Variants in PACRG observed in about 807,000 individuals in gnomAD.
The protein encoded by PACRG is parkin coregulated gene protein.
A neutral mutation model predicts 29.7 loss-of-function variants in PACRG; 29 were observed. The observed-to-expected ratio is 0.98, with a 90% CI of 0.73 to 1.33. PACRG has a LOEUF of 1.33. Among genes scored for constraint, PACRG ranks in the 40% most tolerant of loss-of-function variants. The pLI is 0.00. For synonymous variants in PACRG, 116 were observed against 118.7 expected, an observed-to-expected ratio of 0.98 and a Z score of 0.15; for missense variants, 279 against 316.2, an observed-to-expected ratio of 0.88 and a Z score of 0.89.
intron 4 of PACRG, among the ~76,000 whole-genome samples, chr6:163,258,479 C>T (rs1249852312): frequency 1.3e-5 from 2 of 152,020 alleles, no homozygotes; most frequent in Admixed American, 1.3e-4. Context: ...ATATTCTCGC[C>T]GGGCGCAGTG....
At chr6:163,153,317 G>A (rs566279481) in intron 4 of PACRG, among the ~76,000 whole-genome samples, 2 of 152,190 alleles carry the variant, frequency 1.3e-5, no homozygotes, top group South Asian at 2.1e-4. Context: ...GGGAAGGGGT[G>A]GGCACTCCTG....
intron 4 of PACRG, among the ~76,000 whole-genome samples, chr6:163,238,320 T>A (rs1243037382): frequency 6.6e-6 from 1 of 152,210 alleles, no homozygotes; most frequent in East Asian, 1.9e-4. Flanking sequence ...AATAAGTGAG[T>A]TTTATATACA....
chr6:162,820,210 T>A (rs908613004), intron 2 of PACRG, among the ~76,000 whole-genome samples: 1 of 152,228 alleles, frequency 6.6e-6, no homozygotes, highest in Non-Finnish European at 1.5e-5. Flanking sequence ...TCAGCCTTTA[T>A]AATTTCCACT....
intron 4 of PACRG, among the ~76,000 whole-genome samples, chr6:163,132,640 A>G (rs1342279388): frequency 1.3e-5 from 2 of 152,212 alleles, no homozygotes; most frequent in Non-Finnish European, 2.9e-5. Context: ...AGAGCCAGGA[A>G]AAGACCCTGA....
chr6:162,866,966 C>T (rs2128448431), intron 2 of PACRG, among the ~76,000 whole-genome samples: 2 of 152,302 alleles, frequency 1.3e-5, no homozygotes, highest in Middle Eastern at 3.4e-3. Context: ...GGTTCTTTGT[C>T]TCAGAGTTTG....
intron 2 of PACRG, among the ~76,000 whole-genome samples, chr6:162,824,654 G>A (rs148936812): frequency 1.3e-5 from 2 of 152,270 alleles, no homozygotes; most frequent in East Asian, 3.9e-4. Context: ...TTCCTTTGCA[G>A]AGAAGTAATG....
At chr6:162,980,931 T>G (rs1453880681) in intron 2 of PACRG, among the ~76,000 whole-genome samples, 1 of 152,082 alleles carries the variant, frequency 6.6e-6, no homozygotes, top group African/African-American at 2.4e-5. Context: ...AGGTGGTGTT[T>G]GGTTGCATGG....
intron 2 of PACRG, among the ~76,000 whole-genome samples, chr6:162,828,805 A>G (rs1370531055): frequency 6.6e-6 from 1 of 152,244 alleles, no homozygotes; most frequent in East Asian, 1.9e-4. Context: ...GATATCAAAA[A>G]GAATAAAGTG....
chr6:162,968,845 GA>G (rs925824827), intron 2 of PACRG, among the ~76,000 whole-genome samples: 5 of 151,920 alleles, frequency 3.3e-5, no homozygotes, highest in Admixed American at 2.6e-4. Flanking sequence ...TCAGGAGTAC[GA>G]GATCAGCCTG....
At chr6:162,906,125 TATTA>T in intron 2 of PACRG, among the ~76,000 whole-genome samples, 1 of 152,354 alleles carries the variant, frequency 6.6e-6, no homozygotes, top group African/African-American at 2.4e-5. Flanking sequence ...CATGGAGATG[TATTA>T]ATTATTCATC....
chr6:162,761,119 G>A (rs377219170), intron 1 of PACRG, among the ~76,000 whole-genome samples: 12 of 152,080 alleles, frequency 7.9e-5, no homozygotes, highest in East Asian at 1.9e-4. Flanking sequence ...AGCCCGCCTC[G>A]TGTGATTAGA....
intron 4 of PACRG, among the ~76,000 whole-genome samples, chr6:163,180,664 G>GT (rs1190253819): frequency 5.3e-5 from 8 of 151,520 alleles, no homozygotes; most frequent in African/African-American, 1.7e-4. Context: ...TTTAAGAGGG[G>GT]TTTTTTGTAT....
At chr6:162,980,672 A>C (rs983973787) in intron 2 of PACRG, among the ~76,000 whole-genome samples, 1 of 152,140 alleles carries the variant, frequency 6.6e-6, no homozygotes, top group African/African-American at 2.4e-5. Flanking sequence ...CAGAAGGATA[A>C]TTTGCTCATT....
chr6:163,231,473 T>C (rs1023720370), intron 4 of PACRG, among the ~76,000 whole-genome samples: 16 of 152,174 alleles, frequency 1.1e-4, no homozygotes, highest in Admixed American at 2.0e-4. Context: ...CCCGGGCTGC[T>C]CTGACCACAG....
At chr6:163,234,749 G>T (rs1381204797) in intron 4 of PACRG, among the ~76,000 whole-genome samples, 1 of 152,114 alleles carries the variant, frequency 6.6e-6, no homozygotes, top group Non-Finnish European at 1.5e-5. Flanking sequence ...TTCTCTTGGA[G>T]GCAAAGTAAA....
intron 4 of PACRG, among the ~76,000 whole-genome samples, chr6:163,205,608 C>A (rs1780871136): frequency 6.6e-6 from 1 of 152,160 alleles, no homozygotes; most frequent in Admixed American, 6.5e-5. Context: ...TACAAAAACC[C>A]TGGAAGATAA....
chr6:163,020,655 A>G (rs1562837998), intron 2 of PACRG, among the ~76,000 whole-genome samples: 1 of 152,066 alleles, frequency 6.6e-6, no homozygotes, highest in Non-Finnish European at 1.5e-5. Flanking sequence ...TAATTTTGTC[A>G]TATTTTCACT....
chr6:162,732,526 T>G (rs1779848777), intron 1 of PACRG, among the ~76,000 whole-genome samples: 1 of 152,206 alleles, frequency 6.6e-6, no homozygotes, highest in African/African-American at 2.4e-5. Context: ...AGCCAAGGAA[T>G]ATTGGGGGAT....
chr6:163,202,051 C>G (rs576576871), intron 4 of PACRG, among the ~76,000 whole-genome samples: 74 of 152,278 alleles, frequency 4.9e-4, no homozygotes, highest in African/African-American at 1.7e-3. Flanking sequence ...GGAAGCAGTG[C>G]GAGCAAACGC....
Sources: allele counts gnomAD v4.1 joint callset (sites outside exome capture counted in the v4.1 genomes callset), GRCh38; gene constraint gnomAD v4.1.1; transcripts MANE v1.5; gene names NCBI Gene and HGNC (gene_info 2026-07-23, HGNC 2026-07-21).